The following FRMD3 variants were observed in gnomAD, a reference collection of about 807,000 sequenced individuals.
FRMD3 encodes FERM domain-containing protein 3.
Under a neutral mutation model 70.2 loss-of-function variants are expected in FRMD3, and 33 were observed. The observed-to-expected ratio is 0.47, with a 90% confidence interval of 0.36 to 0.63. The LOEUF (loss-of-function observed/expected upper bound fraction) is 0.63, where lower values mean the gene tolerates loss of function less well. Ranked by LOEUF, FRMD3 falls within the 20% of genes least tolerant of loss-of-function variation. The pLI is 0.00. For missense variants in FRMD3, 632 were observed against 711.4 expected (o/e 0.89, Z 1.27); for synonymous variants, 279 against 255.9 (o/e 1.09, Z -0.86).
At chr9:83,437,541 T>C (rs1827171116) in intron 1 of FRMD3, among the ~76,000 whole-genome samples, 2 of 152,226 alleles carry the variant, frequency 1.3e-5, no homozygotes, top group Non-Finnish European at 2.9e-5. Context: ...CTCTGAAGTC[T>C]GAGCTTTAAA....
intron 1 of FRMD3, among the ~76,000 whole-genome samples, chr9:83,430,012 C>T (rs192548569): frequency 2.0e-5 from 3 of 152,314 alleles, no homozygotes; most frequent in Non-Finnish European, 1.5e-5. Flanking sequence ...ATTCGGATAT[C>T]GTAATCATCA....
At chr9:83,441,161 T>C (rs1378513105) in intron 1 of FRMD3, among the ~76,000 whole-genome samples, 1 of 152,186 alleles carries the variant, frequency 6.6e-6, no homozygotes, top group Non-Finnish European at 1.5e-5. Context: ...TCTATGCGGC[T>C]ACTGAGCTGT....
chr9:83,491,608 C>T (rs957285859), intron 1 of FRMD3, among the ~76,000 whole-genome samples: 3 of 152,156 alleles, frequency 2.0e-5, no homozygotes, highest in Admixed American at 6.5e-5. Context: ...AAGATTCTGC[C>T]ACATCAGCAA....
intron 1 of FRMD3, among the ~76,000 whole-genome samples, chr9:83,492,981 A>G (rs1294344216): frequency 6.6e-6 from 1 of 152,100 alleles, no homozygotes; most frequent in African/African-American, 2.4e-5. Context: ...AAAATGAAAT[A>G]CCAGTCGCCA....
At chr9:83,366,811 A>T (rs910573682) in intron 3 of FRMD3, among the ~76,000 whole-genome samples, 8 of 152,212 alleles carry the variant, frequency 5.3e-5, no homozygotes, top group South Asian at 2.1e-4. Context: ...TGTCCTCTTG[A>T]TGTGTGCCAC....
chr9:83,533,172 T>C (rs1328012857), intron 1 of FRMD3, among the ~76,000 whole-genome samples: 1 of 152,360 alleles, frequency 6.6e-6, no homozygotes, highest in East Asian at 1.9e-4. Context: ...CTCTGGATTT[T>C]GAGTCAAAGG....
intron 6 of FRMD3, among the ~76,000 whole-genome samples, chr9:83,319,100 G>A (rs1024478980): frequency 2.6e-5 from 4 of 151,976 alleles, no homozygotes; most frequent in Admixed American, 2.6e-4. Flanking sequence ...TAGGTTGTCT[G>A]TTTACTCTGT....
chr9:83,447,001 T>TTGTTTTGTTC (rs1486597764), intron 1 of FRMD3, among the ~76,000 whole-genome samples: 6 of 81,000 alleles, frequency 7.4e-5, no homozygotes, highest in African/African-American at 3.8e-4. Flanking sequence ...TTGTTTTGTT[T>TTGTTTTGTTC]TGTTTTGTTT....
chr9:83,558,898 G>A, the FRMD3 span, among the ~76,000 whole-genome samples: 1 of 152,286 alleles, frequency 6.6e-6, no homozygotes, highest in African/African-American at 2.4e-5. Context: ...AATCAGAAGT[G>A]GAGCCTGGAC....
In FRMD3 at chr9:83,537,170, G is replaced by A. The variant is rs545419549; in HGVS notation, c.147+915C>T. Among the ~76,000 whole-genome samples, 39 of 152,012 alleles carry A rather than the reference G, an allele frequency of 2.6e-4. No homozygotes were observed. In the South Asian group the frequency reaches 7.9e-3, roughly 31 times the overall value. ...ACCCACAGCAAATATGCACACGCAC[G>A]CGCAACCACATGCACACACACACCT... On this transcript the variant is annotated intron_variant, in intron 1 of 13. Transcript: ENST00000304195. The surrounding 1 kb of genome is among the most constrained non-coding windows in gnomAD (Gnocchi z 4.1).
the FRMD3 span, among the ~76,000 whole-genome samples, chr9:83,570,182 C>T: frequency 2.6e-5 from 4 of 152,274 alleles, no homozygotes; most frequent in African/African-American, 9.6e-5. Flanking sequence ...GGCACTGGGA[C>T]AACAGCATGA....
chr9:83,565,167 C>T, the FRMD3 span, among the ~76,000 whole-genome samples: 2 of 152,164 alleles, frequency 1.3e-5, no homozygotes, highest in Non-Finnish European at 2.9e-5. Flanking sequence ...CTTCATTATT[C>T]GCTGAAGTAT....
At chr9:83,546,858 C>T in the FRMD3 span, among the ~76,000 whole-genome samples, 5 of 121,712 alleles carry the variant, frequency 4.1e-5, 1 homozygote, top group South Asian at 7.9e-4. Context: ...TGCCACTGCA[C>T]TCCAGCCTAG....
At chr9:83,300,574 A>C (rs1834874491) in intron 10 of FRMD3, among the ~76,000 whole-genome samples, 1 of 152,232 alleles carries the variant, frequency 6.6e-6, no homozygotes, top group African/African-American at 2.4e-5. Context: ...CAGGGATAAA[A>C]ACTACACATT....
chr9:83,523,280 G>C (rs1039610609), intron 1 of FRMD3, among the ~76,000 whole-genome samples: 2 of 152,032 alleles, frequency 1.3e-5, no homozygotes, highest in African/African-American at 4.8e-5. Context: ...GAGTGGAAGA[G>C]TGGATAAATG....
intron 1 of FRMD3, among the ~76,000 whole-genome samples, chr9:83,521,763 TTTC>T (rs1829576617): frequency 6.6e-6 from 1 of 152,266 alleles, no homozygotes; most frequent in Admixed American, 6.5e-5. Flanking sequence ...TAAGGAACTC[TTTC>T]TTGATTTAGA....
At chr9:83,495,362 C>T (rs1347916972) in intron 1 of FRMD3, among the ~76,000 whole-genome samples, 1 of 152,176 alleles carries the variant, frequency 6.6e-6, no homozygotes, top group Non-Finnish European at 1.5e-5. Context: ...GTGGAAGTCG[C>T]TGGTGCCCTT....
chr9:83,273,556 G>C (rs1351656586), intron 13 of FRMD3, among the ~76,000 whole-genome samples: 1 of 145,684 alleles, frequency 6.9e-6, no homozygotes, highest in Non-Finnish European at 1.5e-5. Flanking sequence ...TTTATCTGCT[G>C]ACCTTCCCTC....
intron 1 of FRMD3, among the ~76,000 whole-genome samples, chr9:83,523,531 A>T (rs1477760374): frequency 6.6e-6 from 1 of 152,226 alleles, no homozygotes; most frequent in Non-Finnish European, 1.5e-5. Context: ...CACTAAAGAA[A>T]GGTTGGGGAA....
Sources: gnomAD v4.1 joint callset for allele counts (sites outside exome capture counted in the v4.1 genomes callset) on GRCh38, gnomAD v4.1.1 for gene constraint, Gnocchi (gnomAD v3.1) non-coding constraint, MANE v1.5 for transcripts, NCBI Gene and HGNC (gene_info 2026-07-23, HGNC 2026-07-21) for gene names.